The following DYM variants were observed in gnomAD, a reference collection of about 807,000 sequenced individuals.
DYM encodes dyggve-Melchior-Clausen syndrome protein.
A neutral mutation model predicts 93.1 loss-of-function variants in DYM; 78 were observed. That is an observed-to-expected ratio of 0.84 (90% confidence interval 0.70 to 1.01). DYM has a LOEUF of 1.01. Among genes scored for constraint, DYM ranks in the 50% least tolerant of loss-of-function variants. The pLI, the probability that DYM is intolerant of heterozygous loss-of-function variation, is 0.00. For synonymous variants in DYM, 321 were observed against 319.7 expected (o/e 1.00, Z -0.04); for missense variants, 789 against 845.0 (o/e 0.93, Z 0.82).
chr18:49,150,517 A>G (rs2085696458), intron 15 of DYM, among the ~76,000 whole-genome samples: 1 of 152,224 alleles, frequency 6.6e-6, no homozygotes, highest in African/African-American at 2.4e-5. Flanking sequence ...GAAGCCAAGA[A>G]GAGGGGCCTC....
chr18:49,408,397 A>T (rs1379435067), intron 2 of DYM, among the ~76,000 whole-genome samples: 5 of 152,200 alleles, frequency 3.3e-5, no homozygotes, highest in Non-Finnish European at 7.3e-5. Context: ...GTCTCTCCAC[A>T]TATATTTCTG....
chr18:49,157,526 G>A (rs12455379), intron 15 of DYM, among the ~76,000 whole-genome samples: 2 of 152,038 alleles, frequency 1.3e-5, no homozygotes, highest in Admixed American at 6.6e-5. Flanking sequence ...GGTAATTGAG[G>A]CCCAGTGAGG....
intron 2 of DYM, among the ~76,000 whole-genome samples, chr18:49,422,755 T>G (rs911809894): frequency 6.6e-6 from 1 of 152,138 alleles, no homozygotes; most frequent in African/African-American, 2.4e-5. Flanking sequence ...TCCTAGTCTC[T>G]GATAAAACAG....
chr18:49,180,424 C>G (rs2089817618), intron 14 of DYM, among the ~76,000 whole-genome samples: 1 of 152,062 alleles, frequency 6.6e-6, no homozygotes, highest in South Asian at 2.1e-4. Flanking sequence ...ACACCTTTCT[C>G]AATTATTTAT....
chr18:49,153,584 T>C (rs1376600442), intron 15 of DYM, among the ~76,000 whole-genome samples: 2 of 152,090 alleles, frequency 1.3e-5, no homozygotes, highest in African/African-American at 4.8e-5. Context: ...GAGCTCCCAA[T>C]GGCCAAAGCT....
intron 1 of DYM, among the ~76,000 whole-genome samples, chr18:49,452,422 C>T (rs1237326333): frequency 2.0e-5 from 3 of 152,066 alleles, no homozygotes; most frequent in Non-Finnish European, 4.4e-5. Flanking sequence ...CCACATCCTG[C>T]TGATTTGGTC....
At chr18:49,242,921 C>T (rs1214483218) in intron 13 of DYM, among the ~76,000 whole-genome samples, 5 of 152,048 alleles carry the variant, frequency 3.3e-5, no homozygotes, top group Non-Finnish European at 7.4e-5. Flanking sequence ...AGGATGGTCT[C>T]GATCTCCTGA....
chr18:49,194,492 T>C (rs1203764386), intron 14 of DYM, among the ~76,000 whole-genome samples: 2 of 152,214 alleles, frequency 1.3e-5, no homozygotes, highest in African/African-American at 4.8e-5. Flanking sequence ...GTCCTATTCT[T>C]ACATTGTTTC....
At chr18:49,362,276 T>C (rs751245297) in intron 6 of DYM, among the ~76,000 whole-genome samples, 1 of 152,018 alleles carries the variant, frequency 6.6e-6, no homozygotes, top group Non-Finnish European at 1.5e-5. Flanking sequence ...GGTGGGAGGA[T>C]CACTTGAAGC....
At chr18:49,365,223 A>T (rs879934314) in intron 5 of DYM, among the ~76,000 whole-genome samples, 7 of 152,240 alleles carry the variant, frequency 4.6e-5, no homozygotes, top group Non-Finnish European at 7.3e-5. Context: ...GAAATTATAA[A>T]GAAATTTCAT....
intron 15 of DYM, among the ~76,000 whole-genome samples, chr18:49,152,008 T>G (rs1192910027): frequency 6.6e-6 from 1 of 152,218 alleles, no homozygotes; most frequent in East Asian, 1.9e-4. Context: ...GATCACTGGT[T>G]TTTAGAAATC....
chr18:49,276,592 T>G (rs1349596078), intron 10 of DYM, among the ~76,000 whole-genome samples: 2 of 152,056 alleles, frequency 1.3e-5, no homozygotes, highest in Non-Finnish European at 2.9e-5. Flanking sequence ...AGGAGATAGG[T>G]CAGATTGAGA....
At chr18:49,386,527 C>G (rs528101021) in intron 3 of DYM, among the ~76,000 whole-genome samples, 6 of 152,280 alleles carry the variant, frequency 3.9e-5, no homozygotes, top group African/African-American at 1.4e-4. Context: ...AGAAAGCCAT[C>G]AGACAACTCA....
chr18:49,388,467 T>A (rs1258464529), intron 3 of DYM, among the ~76,000 whole-genome samples: 5 of 151,260 alleles, frequency 3.3e-5, no homozygotes, highest in Non-Finnish European at 5.9e-5. Context: ...TGGGACACAA[T>A]GGAAACAAAA....
At chr18:49,425,244 T>C (rs1175317946) in intron 2 of DYM, among the ~76,000 whole-genome samples, 1 of 152,058 alleles carries the variant, frequency 6.6e-6, no homozygotes, top group Non-Finnish European at 1.5e-5. Flanking sequence ...ATACCACACA[T>C]CTGCAACCAT....
chr18:49,229,611 A>G (rs2093638612), intron 13 of DYM, among the ~76,000 whole-genome samples: 1 of 152,190 alleles, frequency 6.6e-6, no homozygotes, highest in South Asian at 2.1e-4. Flanking sequence ...ACAAAAAGCA[A>G]ACACTAATTT....
At position 49,420,171 on chromosome 18, in the gene DYM, T is replaced by G. The variant is rs74253070; in HGVS notation, c.140+10084A>C. ...ATAAACTAAGTTAAAATTCGTTTTT[T>G]TTTTTTTTTTTTTGAGATGGAGTCT... On this transcript the variant is annotated intron_variant, in intron 2 of 17. Coordinates refer to ENST00000675505, the MANE Select transcript of DYM (RefSeq NM_001353214.3). Among the ~76,000 whole-genome samples the G allele has an allele frequency of 4.1e-3, 612 of 149,824 alleles. 38 individuals carry two copies. In the East Asian group the frequency reaches 0.1, roughly 25 times the overall value.
intron 13 of DYM, among the ~76,000 whole-genome samples, chr18:49,255,939 C>A (rs2094385173): frequency 6.6e-6 from 1 of 151,466 alleles, no homozygotes; most frequent in African/African-American, 2.4e-5. Context: ...AAAAAATTAG[C>A]CGGGTGTGGT....
intron 5 of DYM, among the ~76,000 whole-genome samples, chr18:49,373,319 C>A (rs935918741): frequency 6.6e-6 from 1 of 151,964 alleles, no homozygotes; most frequent in African/African-American, 2.4e-5. Context: ...CAGAGCAGTC[C>A]CCAGGGCTGC....
Sources: allele counts gnomAD v4.1 joint callset (sites outside exome capture counted in the v4.1 genomes callset), GRCh38; gene constraint gnomAD v4.1.1; transcripts MANE v1.5; gene names NCBI Gene and HGNC (gene_info 2026-07-23, HGNC 2026-07-21).